The following STK32C variants were observed in gnomAD, a reference collection of about 807,000 sequenced individuals.
STK32C encodes the protein serine/threonine-protein kinase 32C.
Under a neutral mutation model 56.5 loss-of-function variants are expected in STK32C, and 31 were observed. The ratio of observed to expected loss-of-function variants is 0.55; its 90% CI spans 0.41 to 0.74. The LOEUF is 0.74. STK32C is among the 30% of genes least tolerant of loss of function. The probability of loss-of-function intolerance (pLI) is 0.00; values close to 1 mark genes in which losing one functional copy is unlikely to be tolerated. For missense variants in STK32C, 544 were observed against 676.9 expected, an observed-to-expected ratio of 0.80 and a Z score of 2.18; for synonymous variants, 309 against 289.4, an observed-to-expected ratio of 1.07 and a Z score of -0.69.
intron 1 of STK32C, among the ~76,000 whole-genome samples, chr10:132,262,988 A>G (rs573955443): frequency 4.1e-4 from 62 of 152,326 alleles, no homozygotes; most frequent in Admixed American, 1.6e-3. Flanking sequence ...ACGCTTATAC[A>G]CTATTAGTGG....
At chr10:132,302,953 C>T (rs1312709053) in intron 1 of STK32C, among the ~76,000 whole-genome samples, 7 of 152,208 alleles carry the variant, frequency 4.6e-5, no homozygotes, top group African/African-American at 1.7e-4. Flanking sequence ...ACAAAATGAA[C>T]TTCAAAGCTA....
Position 132,207,852 on chromosome 10 carries a change from C to T in STK32C, c.*158G>A. The T allele has an allele frequency of 2.2e-6, 2 of 904,200 alleles. No individual in the cohort carries two copies. The highest frequency in any genetic ancestry group is 2.9e-6 in the Non-Finnish European group (2 of 688,616). The allele number at this position is 904,200 out of a possible 1,614,324, so 56.0% of individuals were successfully genotyped here. A position where few individuals can be genotyped will look rare whatever the true frequency, so the allele number is the denominator to read the frequency against. ...CACCCACAGCCTCTTGTCCCCTGCACCACCACGAGCCTGAGGTGTGAAATG... is the reference window on the plus strand; with the variant it reads ...CACCCACAGCCTCTTGTCCCCTGCATCACCACGAGCCTGAGGTGTGAAATG... On this transcript the variant is annotated 3_prime_UTR_variant, in exon 12 of 12. Coordinates refer to ENST00000298630, the MANE Select transcript of STK32C (RefSeq NM_173575.4).
At chr10:132,306,577 T>C (rs2066070800) in intron 1 of STK32C, among the ~76,000 whole-genome samples, 1 of 152,240 alleles carries the variant, frequency 6.6e-6, no homozygotes, top group African/African-American at 2.4e-5. Flanking sequence ...TAATTTCCCA[T>C]AATGCTTAAA....
At chr10:132,265,581 G>A (rs1489315235) in intron 1 of STK32C, among the ~76,000 whole-genome samples, 2 of 152,182 alleles carry the variant, frequency 1.3e-5, no homozygotes, top group East Asian at 1.9e-4. Context: ...GAGGCCTCTC[G>A]CTTTCATGGC....
At chr10:132,221,155 C>G (rs545808946) in intron 10 of STK32C, among the ~76,000 whole-genome samples, 2 of 142,364 alleles carry the variant, frequency 1.4e-5, no homozygotes, top group African/African-American at 5.2e-5. Context: ...CACACACAAC[C>G]AAAGCCGGCA....
intron 10 of STK32C, among the ~76,000 whole-genome samples, chr10:132,218,875 G>A (rs1003836242): frequency 2.0e-5 from 3 of 152,222 alleles, no homozygotes; most frequent in African/African-American, 7.2e-5. Context: ...GCCATCAACA[G>A]GAATGAAGCA....
At chr10:132,212,444 G>C (rs949222101) in intron 10 of STK32C, among the ~76,000 whole-genome samples, 1 of 152,170 alleles carries the variant, frequency 6.6e-6, no homozygotes, top group African/African-American at 2.4e-5. Flanking sequence ...ACAGCTAAAC[G>C]CAAGAGCTGA....
intron 1 of STK32C, among the ~76,000 whole-genome samples, chr10:132,328,610 A>G (rs1350464587): frequency 6.6e-6 from 1 of 152,238 alleles, no homozygotes. Context: ...TCAAACCATG[A>G]ACTGAATTCC....
intron 10 of STK32C, among the ~76,000 whole-genome samples, chr10:132,211,242 G>A (rs532586465): frequency 3.9e-5 from 6 of 152,304 alleles, no homozygotes; most frequent in South Asian, 4.1e-4. Flanking sequence ...AGAAGGTGAC[G>A]GTGACCTAAG....
intron 1 of STK32C, among the ~76,000 whole-genome samples, chr10:132,260,282 C>T (rs1245931051): frequency 6.6e-6 from 1 of 152,210 alleles, no homozygotes; most frequent in Non-Finnish European, 1.5e-5. Flanking sequence ...CAAAGCCCAC[C>T]CCCAGAGTCC....
intron 1 of STK32C, chr10:132,306,831 C>T (rs1216710136): frequency 1.3e-5 from 2 of 152,236 alleles, no homozygotes; most frequent in African/African-American, 2.4e-5. Context: ...GACGCGGCAC[C>T]ACATCTCCCT....
intron 2 of STK32C, among the ~76,000 whole-genome samples, chr10:132,228,990 G>A (rs764682251): frequency 7.2e-5 from 11 of 152,210 alleles, no homozygotes; most frequent in African/African-American, 2.4e-4. Context: ...CACTGATGCC[G>A]CAAACACACG....
chr10:132,279,052 G>A (rs867497188), intron 1 of STK32C, among the ~76,000 whole-genome samples: 30 of 152,106 alleles, frequency 2.0e-4, no homozygotes, highest in Middle Eastern at 3.2e-3. Context: ...TGCAGGGGGC[G>A]GGGGACGGGG....
At chr10:132,322,522 T>G (rs947618635), downstream of STK32C, among the ~76,000 whole-genome samples, 9 of 152,248 alleles carry the variant, frequency 5.9e-5, no homozygotes, top group Non-Finnish European at 8.8e-5. Context: ...TCACTGACAT[T>G]TTCTCCTAAG....
intron 9 of STK32C, 28 bp from the exon 10 acceptor site, chr10:132,222,800 GC>G: frequency 6.3e-7 from 1 of 1,592,542 alleles, no homozygotes; most frequent in East Asian, 2.3e-5. Context: ...CTGAGCCCCG[GC>G]CCGTGGAGGA....
chr10:132,268,560 TGC>T (rs755114297), intron 1 of STK32C, among the ~76,000 whole-genome samples: 2 of 142,008 alleles, frequency 1.4e-5, no homozygotes, highest in Admixed American at 7.0e-5. Context: ...TGTGTGTGTG[TGC>T]CTGCGTGTGT....
rs1180794467 is a variant in STK32C, at chr10:132,225,778, G to A, written c.651C>T (p.Val217=). The change falls in exon 5 of 12, where the codon GTC becomes GTT. Residue 217 remains valine (V), a synonymous_variant. Coordinates refer to ENST00000298630, the MANE Select transcript of STK32C (RefSeq NM_173575.4). ...CATCCAGGAGAATGTTGTCAGGCTTGACATCTCTAGAAAGAGCAGAAAGTG... is the reference window on the plus strand; with the variant it reads ...CATCCAGGAGAATGTTGTCAGGCTTAACATCTCTAGAAAGAGCAGAAAGTG... The part of the protein sequence containing the change: ...LRGQHIIHRD[V]KPDNILLDER... 6.2e-7 allele frequency: 1 copy of A among 1,614,110 alleles called. No homozygotes were observed. The highest frequency in any genetic ancestry group is 1.1e-5 in the South Asian group (1 of 91,068).
At position 132,247,357 on chromosome 10, in the gene STK32C, T is replaced by C. The variant is rs118133020; in HGVS notation, c.263-1402A>G. On this transcript the variant is annotated intron_variant, in intron 1 of 11. Transcript: ENST00000298630. ...CCCAGGATAGCCCCAGGTTTCAGCA[T>C]AGACGCAGCAGGCAAAGTGTCCATC... Among the ~76,000 whole-genome samples, 37 of 152,306 alleles carry C rather than the reference T, an allele frequency of 2.4e-4. No individual in the cohort carries two copies. In the East Asian group the frequency reaches 6.7e-3, roughly 28 times the overall value.
intron 1 of STK32C, among the ~76,000 whole-genome samples, chr10:132,294,908 T>G (rs1049824834): frequency 6.6e-6 from 1 of 152,176 alleles, no homozygotes; most frequent in Admixed American, 6.5e-5. Flanking sequence ...TGATCTGTCC[T>G]GCCTGTGTAT....
Sources: allele counts gnomAD v4.1 joint callset (sites outside exome capture counted in the v4.1 genomes callset), GRCh38; gene constraint gnomAD v4.1.1; transcripts MANE v1.5; gene names NCBI Gene and HGNC (gene_info 2026-07-23, HGNC 2026-07-21).